Variants in TMX3 observed in about 807,000 individuals in gnomAD.
TMX3 encodes the protein thioredoxin related transmembrane protein 3.
TMX3 carries 40 observed loss-of-function variants against 64.4 expected under a neutral mutation model. That is an observed-to-expected ratio of 0.62 (90% CI 0.48 to 0.81). TMX3 has a LOEUF of 0.81. Ranked by LOEUF, TMX3 falls within the 30% of genes least tolerant of loss-of-function variation. The pLI is 0.00. For missense variants in TMX3, 497 were observed against 534.5 expected (o/e 0.93, Z 0.69); for synonymous variants, 189 against 175.7 (o/e 1.08, Z -0.60).
Position 68,676,682 on chromosome 18 carries a change from G to T in TMX3, c.*251C>A. 2 of 479,608 alleles carry T rather than the reference G, an allele frequency of 4.2e-6. No individual in the cohort carries two copies. Among genetic ancestry groups the T allele is most frequent in the East Asian group, 3.6e-5 (1 of 28,122 alleles). The allele number at this position is 479,608 out of a possible 1,614,324, so 29.7% of individuals were successfully genotyped here. A position where few individuals can be genotyped will look rare whatever the true frequency, so the allele number is the denominator to read the frequency against. ...GATAGAGAAACATGCAAATAGAATTGTTCTGTTCTAATCACAAAGATCAGG... is the reference window on the plus strand; with the variant it reads ...GATAGAGAAACATGCAAATAGAATTTTTCTGTTCTAATCACAAAGATCAGG... On this transcript the variant is annotated 3_prime_UTR_variant, in exon 16 of 16. Transcript: ENST00000299608.
At position 68,715,089 on chromosome 18, in the gene TMX3, A is replaced by G; in HGVS notation, c.-108T>C. On this transcript the variant is annotated 5_prime_UTR_variant, in exon 1 of 16. Coordinates refer to ENST00000299608, the MANE Select transcript of TMX3 (RefSeq NM_019022.5). ...GGAAACGGAGCCGACCCGGAGCGGAAGAGAAGCACCGCGCTAACTACGGGG... is the reference window on the plus strand; with the variant it reads ...GGAAACGGAGCCGACCCGGAGCGGAGGAGAAGCACCGCGCTAACTACGGGG... The G allele has an allele frequency of 6.5e-7, 1 of 1,530,624 alleles. No individual in the cohort carries two copies. Among genetic ancestry groups the G allele is most frequent in the Non-Finnish European group, 8.8e-7 (1 of 1,136,082 alleles). 94.8% of individuals were successfully genotyped at this position (1,530,624 alleles called of 1,614,324 possible). A position where few individuals can be genotyped will look rare whatever the true frequency, so the allele number is the denominator to read the frequency against.
At chr18:68,703,914 A>G (rs2030388580) in intron 4 of TMX3, among the ~76,000 whole-genome samples, 1 of 152,168 alleles carries the variant, frequency 6.6e-6, no homozygotes, top group Admixed American at 6.5e-5. Flanking sequence ...TGGGTGACAG[A>G]GTGAGACTCT....
chr18:68,704,523 A>C (rs556336114), intron 4 of TMX3, among the ~76,000 whole-genome samples: 82 of 152,226 alleles, frequency 5.4e-4, no homozygotes, highest in Admixed American at 1.2e-3. Context: ...TAAGAAACTA[A>C]AACAGGAAGA....
At chr18:68,700,286 A>C in intron 6 of TMX3, 119 bp downstream of exon 6, 3 of 620,992 alleles carry the variant, frequency 4.8e-6, no homozygotes, top group Non-Finnish European at 7.9e-6. Context: ...TAAGTAAATA[A>C]TCAAATAAAT....
At chr18:68,700,906 T>A (rs2029994686) in intron 5 of TMX3, 2 of 984,900 alleles carry the variant, frequency 2.0e-6, no homozygotes, top group African/African-American at 1.8e-5. Context: ...TGACAGTTAC[T>A]TGATGCTCCA....
Position 68,682,926 on chromosome 18 carries a change from C to A in TMX3, c.904G>T (p.Asp302Tyr). 1 of 1,605,688 alleles carries A rather than the reference C, an allele frequency of 6.2e-7. No homozygotes were observed. The highest frequency in any genetic ancestry group is 1.1e-5 in the South Asian group (1 of 89,840). The change falls in exon 13 of 16, where the codon GAT becomes TAT. Residue 302 changes from aspartate to tyrosine, a missense_variant and splice_region_variant. By Grantham distance (160) the Asp-to-Tyr change is radical. Coordinates refer to ENST00000299608, the MANE Select transcript of TMX3 (RefSeq NM_019022.5). ...GNDYINTLLM[D>Y]ELTVPTVVVL... ...AAAATCATTCAGCACTTTACTTACT[C>A]CATCAGCAAGGTATTTATGTAGTCA... is the stretch of plus-strand genomic sequence containing the variant.
chr18:68,683,935 ATAAAT>A (rs994479269), intron 12 of TMX3, among the ~76,000 whole-genome samples: 2 of 152,160 alleles, frequency 1.3e-5, no homozygotes, highest in African/African-American at 2.4e-5. Context: ...TACCTAATGT[ATAAAT>A]TAAACTTTAT....
chr18:68,683,031 G>GA, intron 12 of TMX3, 50 bp from the exon 13 acceptor site: 1 of 1,509,476 alleles, frequency 6.6e-7, no homozygotes, highest in Non-Finnish European at 9.1e-7. Flanking sequence ...GGGGGTGGGG[G>GA]GAGAGAGAGA....
chr18:68,708,366 C>T (rs1462832706), intron 4 of TMX3, among the ~76,000 whole-genome samples: 5 of 152,072 alleles, frequency 3.3e-5, no homozygotes, highest in African/African-American at 9.7e-5. Context: ...TCATTGGTAA[C>T]TTAGAAATGC....
At position 68,711,917 on chromosome 18, in the gene TMX3, G is replaced by A. The variant is rs566864220; in HGVS notation, c.102-514C>T. Among the ~76,000 whole-genome samples the A allele has an allele frequency of 1.3e-4, 20 of 152,270 alleles. 2 individuals are homozygous for A. The South Asian group carries it at 3.7e-3, about 28-fold the overall frequency. Reference sequence around the variant, plus strand: ...TCCCAGATCACTCCCCTGAAGATGTGCAGTCCAGCAGGGGTACTGTACCTT... The same window carrying A: ...TCCCAGATCACTCCCCTGAAGATGTACAGTCCAGCAGGGGTACTGTACCTT... On this transcript the variant is annotated intron_variant, in intron 2 of 15. Transcript: ENST00000299608.
intron 5 of TMX3, 180 bp downstream of exon 5, chr18:68,701,565 T>C: frequency 7.0e-7 from 1 of 1,424,908 alleles, no homozygotes; most frequent in South Asian, 1.2e-5. Flanking sequence ...CATGATTGCT[T>C]AAATACGAAG....
chr18:68,683,655 T>C (rs2017118928), intron 12 of TMX3, among the ~76,000 whole-genome samples: 1 of 152,156 alleles, frequency 6.6e-6, no homozygotes, highest in Non-Finnish European at 1.5e-5. Context: ...ATACAAATTA[T>C]AGATCAAAGT....
intron 6 of TMX3, 107 bp from the exon 7 acceptor site, chr18:68,698,138 A>C: frequency 1.4e-6 from 1 of 703,696 alleles, no homozygotes. Flanking sequence ...TTTCAATAAT[A>C]TATCAACTGC....
chr18:68,697,244 T>G lies in TMX3; in HGVS notation c.552A>C (p.Ser184=), dbSNP rs1468522500. The G allele has an allele frequency of 6.3e-7, 1 of 1,578,140 alleles. No individual in the cohort carries two copies. The highest frequency in any genetic ancestry group is 1.2e-5 in the South Asian group (1 of 83,862). The change falls in exon 8 of 16, where the codon TCA becomes TCC. Residue 184 remains serine, a synonymous_variant. Transcript: ENST00000299608. ...ATATTACCTCAGGAACCACTTCTTC[T>G]GAGGCAGAAAAGAAGTATGTATATA... ...LIVYTYFFSA[S]EEVVPEYVTL...
chr18:68,684,790 A>AT (rs1423868596), intron 10 of TMX3, among the ~76,000 whole-genome samples: 6 of 152,240 alleles, frequency 3.9e-5, no homozygotes, highest in Admixed American at 3.3e-4. Flanking sequence ...CTTGAATTGT[A>AT]TTTTTTCCTT....
chr18:68,681,665 C>T (rs555339209), intron 13 of TMX3: 194 of 983,202 alleles, frequency 2.0e-4, no homozygotes, highest in Non-Finnish European at 2.3e-4. Context: ...AGTGTTCTTA[C>T]TTAGAAAATA....
intron 15 of TMX3, among the ~76,000 whole-genome samples, chr18:68,678,658 T>C (rs1440861744): frequency 6.6e-6 from 1 of 152,040 alleles, no homozygotes; most frequent in Non-Finnish European, 1.5e-5. Context: ...GAAATTAGAA[T>C]AGCAGAAATA....
intron 9 of TMX3, chr18:68,690,089 C>T (rs1555686811): frequency 2.6e-5 from 4 of 152,112 alleles, no homozygotes; most frequent in Non-Finnish European, 5.9e-5. Context: ...TATAATAAAA[C>T]AAATTGTTCC....
At chr18:68,695,329 C>G (rs1914953753) in intron 8 of TMX3, among the ~76,000 whole-genome samples, 1 of 152,196 alleles carries the variant, frequency 6.6e-6, no homozygotes, top group African/African-American at 2.4e-5. Context: ...CTTTCCTTTG[C>G]TGACCTCAGG....
Sources: allele counts gnomAD v4.1 joint callset (sites outside exome capture counted in the v4.1 genomes callset), GRCh38; gene constraint gnomAD v4.1.1; transcripts MANE v1.5; gene names NCBI Gene and HGNC (gene_info 2026-07-23, HGNC 2026-07-21).